The following LRRC63 variants were observed in gnomAD, a reference collection of about 807,000 sequenced individuals.
LRRC63 encodes the protein leucine rich repeat containing 63, also known as leucine-rich repeat-containing protein 63.
LRRC63 carries 40 observed loss-of-function variants against 49.5 expected under a neutral mutation model. That is an observed-to-expected ratio of 0.81 (90% CI 0.63 to 1.05). LRRC63 has a LOEUF of 1.05. Among genes scored for constraint, LRRC63 ranks in the 50% least tolerant of loss-of-function variants. The pLI, the probability that LRRC63 is intolerant of heterozygous loss-of-function variation, is 0.00. For synonymous variants in LRRC63, 191 were observed against 221.1 expected (o/e 0.86, Z 1.21); for missense variants, 636 against 663.1 (o/e 0.96, Z 0.45).
At chr13:46,259,235 A>G (rs1056492739) in intron 7 of LRRC63, among the ~76,000 whole-genome samples, 1 of 152,116 alleles carries the variant, frequency 6.6e-6, no homozygotes, top group Non-Finnish European at 1.5e-5. Flanking sequence ...AATGAAGATA[A>G]TAAATCACTT....
At chr13:46,270,735 G>A (rs530066435) in intron 9 of LRRC63, 37 of 530,050 alleles carry the variant, frequency 7.0e-5, no homozygotes, top group African/African-American at 5.0e-4. Flanking sequence ...GCCATAGGCC[G>A]AGGAGGCCTG....
At chr13:46,250,791 C>T (rs1322354797) in intron 7 of LRRC63, among the ~76,000 whole-genome samples, 1 of 151,828 alleles carries the variant, frequency 6.6e-6, no homozygotes, top group Non-Finnish European at 1.5e-5. Context: ...TCTTGACAGC[C>T]TTTTTGGATA....
intron 7 of LRRC63, among the ~76,000 whole-genome samples, chr13:46,257,483 T>TG (rs35418221): frequency 0.53 from 80,328 of 152,026 alleles, 24,644 homozygotes; most frequent in African/African-American, 0.85. Flanking sequence ...TCAACTCTTG[T>TG]GGGATCACAT....
At chr13:46,263,839 C>A (rs1233023455) in intron 8 of LRRC63, among the ~76,000 whole-genome samples, 1 of 152,166 alleles carries the variant, frequency 6.6e-6, no homozygotes, top group Non-Finnish European at 1.5e-5. Flanking sequence ...GTATGTATTT[C>A]AAGACTCACT....
At chr13:46,217,220 C>T (rs1223023515) in intron 2 of LRRC63, among the ~76,000 whole-genome samples, 1 of 152,182 alleles carries the variant, frequency 6.6e-6, no homozygotes, top group African/African-American at 2.4e-5. Flanking sequence ...TAGAATTCGG[C>T]TGTGAATCTG....
chr13:46,272,053 C>T (rs1205252857), intron 9 of LRRC63, among the ~76,000 whole-genome samples: 2 of 152,044 alleles, frequency 1.3e-5, no homozygotes, highest in African/African-American at 4.8e-5. Context: ...TAAGGGTTAC[C>T]TAAACAAGTA....
At chr13:46,242,680 A>G (rs1594059260) in intron 5 of LRRC63, among the ~76,000 whole-genome samples, 1 of 150,572 alleles carries the variant, frequency 6.6e-6, no homozygotes. Context: ...ATAAAGAAAC[A>G]TGTGACGTTC....
At chr13:46,270,122 G>A (rs565400575) in intron 9 of LRRC63, 81 of 670,426 alleles carry the variant, frequency 1.2e-4, no homozygotes, top group South Asian at 1.2e-3. Flanking sequence ...GCCTTTGTTC[G>A]TGGATCAATA....
chr13:46,254,796 C>T (rs183416754), intron 7 of LRRC63, among the ~76,000 whole-genome samples: 8 of 152,228 alleles, frequency 5.3e-5, no homozygotes, highest in African/African-American at 1.2e-4. Flanking sequence ...CATGGTGACA[C>T]GAATCTGCAT....
At chr13:46,270,686 G>A in intron 9 of LRRC63, 6 of 686,268 alleles carry the variant, frequency 8.7e-6, no homozygotes, top group Admixed American at 1.9e-5. Context: ...ATCAGTGCAC[G>A]AAAGGAGAAG....
At chr13:46,272,527 T>C (rs2047774079) in intron 9 of LRRC63, among the ~76,000 whole-genome samples, 1 of 152,254 alleles carries the variant, frequency 6.6e-6, no homozygotes, top group Non-Finnish European at 1.5e-5. Flanking sequence ...TATCATCATG[T>C]ATCATTGTTG....
chr13:46,235,907 G>T (rs1037384561), intron 5 of LRRC63, among the ~76,000 whole-genome samples: 1 of 152,004 alleles, frequency 6.6e-6, no homozygotes. Flanking sequence ...TGTGAACAAA[G>T]ATTTCAATAA....
intron 2 of LRRC63, among the ~76,000 whole-genome samples, chr13:46,214,333 TC>T (rs1291405196): frequency 1.3e-5 from 2 of 152,208 alleles, no homozygotes; most frequent in Non-Finnish European, 2.9e-5. Flanking sequence ...CTACTTTCTC[TC>T]CCAACTTTTG....
intron 7 of LRRC63, among the ~76,000 whole-genome samples, chr13:46,261,309 AGTTAGTTAATAT>A (rs1566510120): frequency 6.6e-6 from 1 of 152,350 alleles, no homozygotes; most frequent in East Asian, 1.9e-4. Flanking sequence ...TTGCAGATGC[AGTTAGTTAATAT>A]AAGGTCATAC....
intron 9 of LRRC63, among the ~76,000 whole-genome samples, chr13:46,268,289 A>G (rs1169152249): frequency 6.6e-6 from 1 of 152,210 alleles, no homozygotes; most frequent in East Asian, 1.9e-4. Context: ...TATAGTAAAC[A>G]TGTAGACCGG....
intron 5 of LRRC63, among the ~76,000 whole-genome samples, chr13:46,236,303 A>T (rs2046902695): frequency 6.6e-6 from 1 of 152,106 alleles, no homozygotes; most frequent in Admixed American, 6.5e-5. Flanking sequence ...TAAAAGCACA[A>T]ATCTATACAT....
At chr13:46,214,974 G>A (rs1394561522) in intron 2 of LRRC63, among the ~76,000 whole-genome samples, 3 of 152,220 alleles carry the variant, frequency 2.0e-5, no homozygotes, top group Non-Finnish European at 4.4e-5. Flanking sequence ...AGTATTCCAT[G>A]ATGTGTATGT....
intron 7 of LRRC63, among the ~76,000 whole-genome samples, chr13:46,258,537 T>A (rs78117384): frequency 6.7e-6 from 1 of 149,874 alleles, no homozygotes; most frequent in Non-Finnish European, 1.5e-5. Flanking sequence ...TGGCTGGGCA[T>A]GGTGGCTCAC....
chr13:46,267,018 A>G (rs1264474547), intron 9 of LRRC63, 46 bp downstream of exon 9: 2 of 1,465,528 alleles, frequency 1.4e-6, no homozygotes, highest in African/African-American at 2.9e-5. Flanking sequence ...ACCTTTAAGC[A>G]TTAAAATGTT....
Sources: gnomAD v4.1 joint callset for allele counts (sites outside exome capture counted in the v4.1 genomes callset) on GRCh38, gnomAD v4.1.1 for gene constraint, MANE v1.5 for transcripts, NCBI Gene and HGNC (gene_info 2026-07-23, HGNC 2026-07-21) for gene names.